The following ANKLE2 variants were observed in gnomAD, a reference collection of about 807,000 sequenced individuals.
ANKLE2 encodes ankyrin repeat and LEM domain-containing protein 2.
Under a neutral mutation model 84.2 loss-of-function variants are expected in ANKLE2, and 55 were observed. That is an observed-to-expected ratio of 0.65 (90% confidence interval 0.53 to 0.82). The LOEUF (loss-of-function observed/expected upper bound fraction) is 0.82, where lower values mean the gene tolerates loss of function less well. ANKLE2 is among the 40% of genes least tolerant of loss of function. ANKLE2 has a pLI of 0.00. For synonymous variants in ANKLE2, 551 were observed against 486.1 expected, an observed-to-expected ratio of 1.13 and a Z score of -1.76; for missense variants, 1,238 against 1,201.9, an observed-to-expected ratio of 1.03 and a Z score of -0.44.
Position 132,748,331 on chromosome 12 carries a change from T to C in ANKLE2, c.848A>G (p.Asp283Gly). 2 of 1,613,920 alleles carry C rather than the reference T, an allele frequency of 1.2e-6. No homozygotes were observed. Among genetic ancestry groups the C allele is most frequent in the South Asian group, 1.1e-5 (1 of 90,872 alleles). Residue 283 changes from aspartate to glycine, a missense_variant and splice_region_variant, in exon 4 of 13, where the codon GAT becomes GGT. Transcript: ENST00000357997. Reference protein sequence around the residue: ...APLFSNDRLKDGLCLSESETV... With the variant: ...APLFSNDRLKGGLCLSESETV... ...TTCTGATTCCGACAAGCACAAACCA[T>C]CTGTCAGTAAGAGACAGAATTTAAG...
intron 2 of ANKLE2, among the ~76,000 whole-genome samples, chr12:132,752,785 A>C (rs1029073439): frequency 6.6e-6 from 1 of 152,224 alleles, no homozygotes; most frequent in Non-Finnish European, 1.5e-5. Flanking sequence ...AACAATACTC[A>C]TAACAGTGTG....
At position 132,747,844 on chromosome 12, in the gene ANKLE2, G is replaced by A. The variant is rs756174480; in HGVS notation, c.1218C>T (p.Thr406=). The part of the protein sequence containing the change: ...IRYVVDLYLN[T]PDKMGYDTPL... ...GGTGTGCACGCACCATCTTGTCGGG[G>A]GTGTTGAGGTACAGGTCCACCACGT... Residue 406 remains threonine (T), a synonymous_variant, in exon 5 of 13, where the codon ACC becomes ACT. Coordinates refer to ENST00000357997, the MANE Select transcript of ANKLE2 (RefSeq NM_015114.3). The A allele has an allele frequency of 3.1e-6, 5 of 1,602,286 alleles. No individual in the cohort carries two copies. In the Admixed American group the frequency reaches 5.4e-5, roughly 17 times the overall value.
intron 6 of ANKLE2, chr12:132,741,776 G>A: frequency 1.8e-6 from 1 of 547,602 alleles, no homozygotes; most frequent in South Asian, 1.5e-5. Flanking sequence ...AGCGCATCGA[G>A]TAAAAGCAGA....
intron 12 of ANKLE2, among the ~76,000 whole-genome samples, chr12:132,727,667 A>G: frequency 6.6e-6 from 1 of 150,596 alleles, no homozygotes; most frequent in East Asian, 2.0e-4. Context: ...ACACTGCTGA[A>G]CCCTGGCACC....
intron 2 of ANKLE2, among the ~76,000 whole-genome samples, chr12:132,753,318 T>A (rs2136173835): frequency 6.6e-6 from 1 of 150,666 alleles, no homozygotes; most frequent in South Asian, 2.1e-4. Context: ...GAGACCCCAG[T>A]CTCAAAAAAA....
In ANKLE2 at chr12:132,748,211, T is replaced by C. The variant is rs766219520; in HGVS notation, c.968A>G (p.Asp323Gly). ...LRKAVEKGEE[D>G]TFSDLIWSNP... Reference sequence around the variant, plus strand: ...GCTCCAGATAAGGTCAGAAAAGGTGTCCTCCTCTCCCTTCTCCACAGCTTT... The same window carrying C: ...GCTCCAGATAAGGTCAGAAAAGGTGCCCTCCTCTCCCTTCTCCACAGCTTT... The change falls in exon 4 of 13, where the codon GAC becomes GGC. Residue 323 changes from aspartate (D) to glycine (G), a missense_variant. This residue lies in a region of ANKLE2 where 14 missense variants were observed against 33.0 expected (regional missense o/e 0.42). Coordinates refer to ENST00000357997, the MANE Select transcript of ANKLE2 (RefSeq NM_015114.3). 1.2e-6 allele frequency: 2 copies of C among 1,614,038 alleles called. No individual in the cohort carries two copies. The highest frequency in any genetic ancestry group is 3.3e-5 in the Admixed American group (2 of 59,994).
At position 132,754,835 on chromosome 12, in the gene ANKLE2, A is replaced by C. The variant is rs2044441871; in HGVS notation, c.480T>G (p.Ser160Arg). 6 of 1,613,978 alleles carry C rather than the reference A, an allele frequency of 3.7e-6. No homozygotes were observed. The South Asian group carries it at 6.6e-5, about 18-fold the overall frequency. Residue 160 changes from serine (S) to arginine (R), a missense_variant, in exon 2 of 13, where the codon AGT becomes AGG. Physicochemically the swap from Ser to Arg is moderately radical, Grantham distance 110. This residue lies in a region of ANKLE2 where 422 missense variants were observed against 394.5 expected (regional missense o/e 1.07). Transcript: ENST00000357997. ...GFSEDRDFGY[S>R]VGLNPPEEEA... Reference sequence around the variant, plus strand: ...CCTCCTCTGGAGGATTCAGGCCCACACTGTAACCAAAATCTCTGTCTTCAG... The same window carrying C: ...CCTCCTCTGGAGGATTCAGGCCCACCCTGTAACCAAAATCTCTGTCTTCAG...
Position 132,741,421 on chromosome 12 carries a change from T to A in ANKLE2, c.1418A>T (p.Lys473Met). 6.2e-7 allele frequency: 1 copy of A among 1,614,196 alleles called. No homozygotes were observed. The part of the protein sequence containing the change: ...ELKERIREYL[K>M]GHYYVPLLRA... Reference sequence around the variant, plus strand: ...CAGGCACCAACTCCCCATCTTACCCTTTAAATACTCTCTGATCCGCTCCTT... The same window carrying A: ...CAGGCACCAACTCCCCATCTTACCCATTAAATACTCTCTGATCCGCTCCTT... The change falls in exon 7 of 13, where the codon AAG becomes ATG. Residue 473 changes from lysine (K) to methionine (M), a missense_variant and splice_region_variant. Around this residue, in one of 3 missense-constraint regions of ANKLE2, gnomAD observed 802 missense variants for 774.5 expected, o/e 1.04. Coordinates refer to ENST00000357997, the MANE Select transcript of ANKLE2 (RefSeq NM_015114.3).
chr12:132,727,253 C>T lies in ANKLE2; in HGVS notation c.2806G>A (p.Ala936Thr), dbSNP rs1484084863. Residue 936 changes from alanine to threonine, a missense_variant, in exon 13 of 13, where the codon GCC becomes ACC. Ala to Thr is a moderately conservative substitution (Grantham distance 58). This residue lies in a region of ANKLE2 where 802 missense variants were observed against 774.5 expected (regional missense o/e 1.04). Coordinates refer to ENST00000357997, the MANE Select transcript of ANKLE2 (RefSeq NM_015114.3). ...LRRMARLAEL[A>T]AL The stretch of plus-strand genomic sequence containing the variant: ...GCCCAGCGCCAAGCCTACAGGGCGG[C>T]AAGCTCAGCCAGGCGCGCCATCCTG... 4.5e-6 allele frequency: 7 copies of T among 1,557,546 alleles called. No homozygotes were observed. The highest frequency in any genetic ancestry group is 1.2e-5 in the South Asian group (1 of 84,668).
Position 132,725,576 on chromosome 12 carries a change from T to G in ANKLE2, c.*1666A>C, listed in dbSNP as rs750224516. 1 of 152,214 alleles carries G rather than the reference T, an allele frequency of 6.6e-6. No individual in the cohort carries two copies. The highest frequency in any genetic ancestry group is 1.5e-5 in the Non-Finnish European group (1 of 68,028). The allele number at this position is 152,214 out of a possible 1,614,324, so 9.4% of individuals were successfully genotyped here. ...CCGGGACACACGAGAATGCCTCCGTTGGGACTGGAATCGCTGCCCACAAAC... is the reference window on the plus strand; with the variant it reads ...CCGGGACACACGAGAATGCCTCCGTGGGGACTGGAATCGCTGCCCACAAAC... On this transcript the variant is annotated 3_prime_UTR_variant, in exon 13 of 13. Transcript: ENST00000357997.
chr12:132,747,219 T>TCA (rs1234087646), intron 5 of ANKLE2, among the ~76,000 whole-genome samples: 1 of 152,030 alleles, frequency 6.6e-6, no homozygotes, highest in East Asian at 1.9e-4. Context: ...AGCCTCTCTC[T>TCA]CTCCACAGCC....
At chr12:132,731,172 C>T (rs1414864537) in intron 10 of ANKLE2, 1 of 152,212 alleles carries the variant, frequency 6.6e-6, no homozygotes, top group Non-Finnish European at 1.5e-5. Flanking sequence ...GCTCCTGCTA[C>T]TTAGGAAATG....
chr12:132,732,259 T>C (rs1415869615), intron 10 of ANKLE2: 1 of 127,918 alleles, frequency 7.8e-6, no homozygotes, highest in Non-Finnish European at 1.7e-5. Flanking sequence ...ATACGCACCG[T>C]GTGAAGCGCT....
At chr12:132,741,791 C>T (rs1049028133) in intron 6 of ANKLE2, 34 of 517,852 alleles carry the variant, frequency 6.6e-5, no homozygotes, top group Middle Eastern at 5.8e-4. Flanking sequence ...AGCAGAAGCA[C>T]GTGAACATGT....
Position 132,748,321 on chromosome 12 carries a change from G to A in ANKLE2, c.858C>T (p.Cys286=). ...TGTTGACTGTTTCTGATTCCGACAAGCACAAACCATCTGTCAGTAAGAGAC... is the reference window on the plus strand; with the variant it reads ...TGTTGACTGTTTCTGATTCCGACAAACACAAACCATCTGTCAGTAAGAGAC... The part of the protein sequence containing the change: ...FSNDRLKDGL[C]LSESETVNKE... Residue 286 remains cysteine, a synonymous_variant, in exon 4 of 13, where the codon TGC becomes TGT. Transcript: ENST00000357997. 6.2e-7 allele frequency: 1 copy of A among 1,613,942 alleles called. No individual in the cohort carries two copies. Among genetic ancestry groups the A allele is most frequent in the Non-Finnish European group, 8.5e-7 (1 of 1,180,026 alleles).
rs557053210 is a variant in ANKLE2, at chr12:132,741,769, G to C, written c.1354-284C>G. Reference sequence around the variant, plus strand: ...TGCAAGGAGAGGAAAAGGTACCAGCGCATCGAGTAAAAGCAGAAGCACGTG... The same window carrying C: ...TGCAAGGAGAGGAAAAGGTACCAGCCCATCGAGTAAAAGCAGAAGCACGTG... On this transcript the variant is annotated intron_variant, in intron 6 of 12. Transcript: ENST00000357997. 4 of 559,882 alleles carry C rather than the reference G, an allele frequency of 7.1e-6. No individual in the cohort carries two copies. The African/African-American group carries it at 7.4e-5, about 10-fold the overall frequency. 34.7% of individuals were successfully genotyped at this position (559,882 alleles called of 1,614,324 possible). A position where few individuals can be genotyped will look rare whatever the true frequency, so the allele number is the denominator to read the frequency against.
intron 1 of ANKLE2, chr12:132,760,841 G>A (rs959354502): frequency 1.9e-4 from 29 of 152,196 alleles, no homozygotes; most frequent in African/African-American, 7.0e-4. Flanking sequence ...CTCCCCAGAG[G>A]TTGGGGGTGG....
chr12:132,730,338 TCCATGACCAACTG>T (rs1429831903), intron 10 of ANKLE2, 68 bp from the exon 11 acceptor site: 42 of 564,978 alleles, frequency 7.4e-5, no homozygotes, highest in African/African-American at 4.3e-4. Context: ...CTCCGCCCCA[TCCATGACCAACTG>T]CCGTGACCCC....
intron 8 of ANKLE2, among the ~76,000 whole-genome samples, chr12:132,736,052 G>C (rs918967456): frequency 2.0e-5 from 3 of 152,114 alleles, no homozygotes; most frequent in Non-Finnish European, 2.9e-5. Flanking sequence ...CCGGGGTTCA[G>C]GCCATTCTCC....
Sources: gnomAD v4.1 joint callset for allele counts (sites outside exome capture counted in the v4.1 genomes callset) on GRCh38, gnomAD v4.1.1 for gene constraint, gnomAD v4.1.1 regional missense constraint, MANE v1.5 for transcripts, NCBI Gene and HGNC (gene_info 2026-07-23, HGNC 2026-07-21) for gene names.